Variants in CDH26 observed in about 807,000 individuals in gnomAD.
The protein encoded by CDH26 is cadherin-like protein 26.
CDH26 carries 83 observed loss-of-function variants against 90.3 expected under a neutral mutation model. The ratio of observed to expected loss-of-function variants is 0.92; its 90% CI spans 0.77 to 1.10. The LOEUF (loss-of-function observed/expected upper bound fraction) is 1.10. CDH26 is among the 50% of genes least tolerant of loss of function. The probability of loss-of-function intolerance (pLI) is 0.00; values close to 1 mark genes in which losing one functional copy is unlikely to be tolerated. For missense variants in CDH26, 1,013 were observed against 1,037.6 expected, an observed-to-expected ratio of 0.98 and a Z score of 0.33; for synonymous variants, 397 against 396.3, an observed-to-expected ratio of 1.00 and a Z score of -0.02.
chr20:60,015,132 G>A (rs1040174778), downstream of CDH26, among the ~76,000 whole-genome samples: 2 of 152,094 alleles, frequency 1.3e-5, no homozygotes, highest in South Asian at 2.1e-4. Context: ...CTTCAGGCAT[G>A]AGCCACCACG....
intron 1 of CDH26, among the ~76,000 whole-genome samples, chr20:59,967,808 C>A (rs1252054536): frequency 1.5e-5 from 2 of 130,622 alleles, no homozygotes; most frequent in African/African-American, 5.5e-5. Flanking sequence ...CTCCCTCCCT[C>A]CCTCATTTCT....
Position 59,992,660 on chromosome 20 carries a change from T to C in CDH26, c.1426+140T>C. The C allele has an allele frequency of 1.2e-6, 1 of 821,694 alleles. No individual in the cohort carries two copies. The highest frequency in any genetic ancestry group is 1.9e-6 in the Non-Finnish European group (1 of 529,098). The allele number at this position is 821,694 out of a possible 1,614,324, so 50.9% of individuals were successfully genotyped here. On this transcript the variant is annotated intron_variant, in intron 10 of 17. Coordinates refer to ENST00000348616, the MANE Select transcript of CDH26 (RefSeq NM_177980.4). The surrounding 1 kb of genome is among the most constrained non-coding windows in gnomAD (Gnocchi z 5.0). ...TATCACTCTGCATCCATGCTGGTGA[T>C]TATTTTTGGTAATAATTCTTAAAAT...
At chr20:60,002,033 T>G (rs916181133) in intron 15 of CDH26, among the ~76,000 whole-genome samples, 2 of 152,322 alleles carry the variant, frequency 1.3e-5, no homozygotes, top group East Asian at 3.9e-4. Flanking sequence ...CAGACCTTAT[T>G]TGGACCTCAC....
Position 59,966,995 on chromosome 20 carries a change from A to T in CDH26, c.70-1972A>T, listed in dbSNP as rs190211087. 2.4e-3 allele frequency among the ~76,000 whole-genome samples: 361 copies of T among 147,972 alleles called. 1 individual carries two copies. The highest frequency in any genetic ancestry group is 0.014 in the South Asian group (65 of 4,786). On this transcript the variant is annotated intron_variant, in intron 1 of 17. Coordinates refer to ENST00000348616, the MANE Select transcript of CDH26 (RefSeq NM_177980.4). ...AAAAATCAATGATAAGTAAAAAAAA[A>T]AATAATAATGTTATGGGATGATGAT...
At chr20:60,009,235 C>T (rs992364629) in intron 17 of CDH26, among the ~76,000 whole-genome samples, 23 of 152,166 alleles carry the variant, frequency 1.5e-4, no homozygotes, top group African/African-American at 4.3e-4. Context: ...CGACTACAGA[C>T]GGGCCCACCT....
intron 8 of CDH26, 54 bp downstream of exon 8, chr20:59,987,692 T>G: frequency 1.4e-6 from 2 of 1,442,362 alleles, no homozygotes; most frequent in Non-Finnish European, 1.9e-6. Flanking sequence ...CTGAGGCCTC[T>G]TCTGTAGGAT....
chr20:60,006,651 A>G (rs898893177), intron 16 of CDH26, 62 bp from the exon 17 acceptor site: 2 of 1,211,694 alleles, frequency 1.7e-6, no homozygotes, highest in Non-Finnish European at 2.5e-6. Flanking sequence ...ACTGACACAC[A>G]GGGGTTGGGG....
chr20:59,970,044 G>A, intron 2 of CDH26, 38 bp from the exon 3 acceptor site: 5 of 1,600,820 alleles, frequency 3.1e-6, no homozygotes, highest in Non-Finnish European at 4.3e-6. Flanking sequence ...GAGCATCACT[G>A]CCATCCTCAT....
In CDH26 at chr20:59,987,609, A is replaced by C; in HGVS notation, c.994A>C (p.Thr332Pro). 1 of 1,613,538 alleles carries C rather than the reference A, an allele frequency of 6.2e-7. No individual in the cohort carries two copies. The highest frequency in any genetic ancestry group is 1.1e-5 in the South Asian group (1 of 90,938). ...GHFDISTDPE[T>P]NEGILNVIKP... is the part of the protein sequence containing the mutation. Reference sequence around the variant, plus strand: ...TTTTGACATTTCGACTGACCCTGAGACCAACGAAGGGATATTAAATGTTAT... The same window carrying C: ...TTTTGACATTTCGACTGACCCTGAGCCCAACGAAGGGATATTAAATGTTAT... Residue 332 changes from threonine to proline, a missense_variant, in exon 8 of 18, where the codon ACC (threonine) becomes CCC (proline). Coordinates refer to ENST00000348616, the MANE Select transcript of CDH26 (RefSeq NM_177980.4).
chr20:59,977,586 A>G (rs1178302299), intron 4 of CDH26, among the ~76,000 whole-genome samples: 2 of 151,566 alleles, frequency 1.3e-5, no homozygotes, highest in African/African-American at 4.8e-5. Context: ...CATTTTTTCA[A>G]ATTAATGGAC....
rs181239422 is a variant in CDH26, at chr20:60,000,786, C to T, written c.2098-557C>T. Among the ~76,000 whole-genome samples, 4 of 152,310 alleles carry T rather than the reference C, an allele frequency of 2.6e-5. No homozygotes were observed. The East Asian group carries it at 7.7e-4, about 29-fold the overall frequency. ...CATCTCTGGTGACTGCTTAAATAAACTGCCATTCACACACTTTCTCTAAGT... is the reference window on the plus strand; with the variant it reads ...CATCTCTGGTGACTGCTTAAATAAATTGCCATTCACACACTTTCTCTAAGT... On this transcript the variant is annotated intron_variant, in intron 14 of 17. Coordinates refer to ENST00000348616, the MANE Select transcript of CDH26 (RefSeq NM_177980.4).
At chr20:60,020,274 T>C (rs1459036854) in intron 7 of CDH26, among the ~76,000 whole-genome samples, 3 of 152,144 alleles carry the variant, frequency 2.0e-5, no homozygotes, top group Admixed American at 2.0e-4. Context: ...GCCTGGAAGG[T>C]ATCTTCCTGC....
intron 13 of CDH26, among the ~76,000 whole-genome samples, chr20:59,999,374 G>A (rs747086785): frequency 4.6e-5 from 7 of 152,120 alleles, no homozygotes; most frequent in African/African-American, 9.7e-5. Flanking sequence ...ACCTCCCAGC[G>A]AGCAATTACA....
chr20:59,974,551 G>T (rs1935733130), intron 4 of CDH26, among the ~76,000 whole-genome samples: 1 of 152,200 alleles, frequency 6.6e-6, no homozygotes, highest in South Asian at 2.1e-4. Context: ...AAGAGTGACA[G>T]TGTGGGGTGG....
At chr20:60,033,833 C>A in exon 9 of CDH26, 1 of 1,059,690 alleles carries the variant, frequency 9.4e-7, no homozygotes, top group Non-Finnish European at 1.2e-6. Flanking sequence ...ATGTGCAAAG[C>A]CCTGGTCATA....
In CDH26 at chr20:60,006,791, G is replaced by A. The variant is rs572972446; in HGVS notation, c.2295+4G>A. ...GATGGCAGAGACATTGAATCAGGTAGGGAGAGCTCCCCTTGTGCTGTGCAC... is the reference window on the plus strand; with the variant it reads ...GATGGCAGAGACATTGAATCAGGTAAGGAGAGCTCCCCTTGTGCTGTGCAC... On this transcript the variant is annotated splice_donor_region_variant and intron_variant, in intron 17 of 17. Transcript: ENST00000348616. The A allele has an allele frequency of 2.5e-6, 4 of 1,612,076 alleles. No individual in the cohort carries two copies. The African/African-American group carries it at 5.3e-5, about 21-fold the overall frequency.
intron 7 of CDH26, among the ~76,000 whole-genome samples, chr20:60,029,654 G>C (rs150529685): frequency 0.017 from 2,559 of 151,638 alleles, 58 homozygotes; most frequent in African/African-American, 0.058. Flanking sequence ...CCCCGCAACA[G>C]GCCCCAGTGT....
At chr20:60,011,095 T>C (rs1286881685) in intron 17 of CDH26, among the ~76,000 whole-genome samples, 1 of 151,940 alleles carries the variant, frequency 6.6e-6, no homozygotes, top group Non-Finnish European at 1.5e-5. Context: ...CCCCAATGAG[T>C]GGAGATAGGG....
Position 60,013,438 on chromosome 20 carries a change from A to C in CDH26, c.*708A>C, listed in dbSNP as rs1191421148. On this transcript the variant is annotated 3_prime_UTR_variant, in exon 18 of 18. Transcript: ENST00000348616. ...GATTTTATCTTTAAACAAAACCACA[A>C]AATTTAATTGGTTTTTACTTGTCCA... 2 of 152,226 alleles carry C rather than the reference A, an allele frequency of 1.3e-5. No homozygotes were observed. Among genetic ancestry groups the C allele is most frequent in the Non-Finnish European group, 2.9e-5 (2 of 68,036 alleles). 9.4% of individuals were successfully genotyped at this position (152,226 alleles called of 1,614,324 possible).
Sources: gnomAD v4.1 joint callset for allele counts (sites outside exome capture counted in the v4.1 genomes callset) on GRCh38, gnomAD v4.1.1 for gene constraint, Gnocchi (gnomAD v3.1) non-coding constraint, MANE v1.5 for transcripts, NCBI Gene and HGNC (gene_info 2026-07-23, HGNC 2026-07-21) for gene names.